The following DIP2C variants were observed in gnomAD, a reference collection of about 807,000 sequenced individuals.
The protein encoded by DIP2C is DIP2 acetate--CoA ligase C (putative).
DIP2C carries 33 observed loss-of-function variants against 192.4 expected under a neutral mutation model. That is an observed-to-expected ratio of 0.17 (90% CI 0.13 to 0.23). The LOEUF is 0.23. DIP2C is among the 10% of genes least tolerant of loss of function. The probability of loss-of-function intolerance (pLI) is 1.00; values close to 1 mark genes in which losing one functional copy is unlikely to be tolerated. For synonymous variants in DIP2C, 979 were observed against 864.1 expected (o/e 1.13, Z -2.33); for missense variants, 1,537 against 2,110.1 (o/e 0.73, Z 5.32).
At chr10:514,418 G>T (rs536727701) in intron 1 of DIP2C, among the ~76,000 whole-genome samples, 2 of 152,298 alleles carry the variant, frequency 1.3e-5, no homozygotes, top group African/African-American at 2.4e-5. Flanking sequence ...TTCGTGCCGG[G>T]AACAGTTCCA....
chr10:531,501 G>A (rs1364021955), intron 1 of DIP2C, among the ~76,000 whole-genome samples: 1 of 151,940 alleles, frequency 6.6e-6, no homozygotes, highest in Non-Finnish European at 1.5e-5. Context: ...GCAAAGAATC[G>A]AGGTATCATA....
intron 1 of DIP2C, among the ~76,000 whole-genome samples, chr10:673,110 A>C (rs890387251): frequency 1.2e-4 from 18 of 151,956 alleles, no homozygotes; most frequent in African/African-American, 3.6e-4. Flanking sequence ...AGGGGCTGCC[A>C]CAGCTCAGCC....
rs117372131 is a variant in DIP2C, at chr10:423,828, T to C, written c.395-795A>G. Among the ~76,000 whole-genome samples, 923 of 152,252 alleles carry C rather than the reference T, an allele frequency of 6.1e-3. 3 individuals carry two copies. The highest frequency in any genetic ancestry group is 0.014 in the East Asian group (70 of 5,182). Reference sequence around the variant, plus strand: ...CCTCACGCGGAGCAGCCCCTCCACCTCCCCGTTTTCCTCCGGGGCACACGA... The same window carrying C: ...CCTCACGCGGAGCAGCCCCTCCACCCCCCCGTTTTCCTCCGGGGCACACGA... On this transcript the variant is annotated intron_variant, in intron 4 of 36. Coordinates refer to ENST00000280886, the MANE Select transcript of DIP2C (RefSeq NM_014974.3).
At chr10:599,350 G>T (rs965012965) in intron 1 of DIP2C, among the ~76,000 whole-genome samples, 29 of 152,276 alleles carry the variant, frequency 1.9e-4, no homozygotes, top group African/African-American at 6.3e-4. Context: ...TATTATCCAT[G>T]AAATATTTAG....
chr10:555,430 A>T (rs1274809089), intron 1 of DIP2C, among the ~76,000 whole-genome samples: 2 of 152,204 alleles, frequency 1.3e-5, no homozygotes, highest in Non-Finnish European at 2.9e-5. Flanking sequence ...CTACTATGAC[A>T]GAGCATCCTC....
intron 1 of DIP2C, among the ~76,000 whole-genome samples, chr10:682,271 C>T (rs1327474029): frequency 1.3e-5 from 2 of 152,214 alleles, no homozygotes; most frequent in Admixed American, 1.3e-4. Flanking sequence ...CTTGCAACAC[C>T]AGTGAACCCC....
chr10:415,854 G>A lies in DIP2C; in HGVS notation c.774C>T (p.Ile258=). ...GTTTGAGGGTATTGACAAGCTGCTG[G>A]ATTTTTGCTGACACCCGGCTACTTA... The part of the protein sequence containing the change: ...VPVSSRVSAK[I]QQLVNTLKRP... The change falls in exon 7 of 37, where the codon ATC becomes ATT. Residue 258 remains isoleucine (I), a synonymous_variant. Coordinates refer to ENST00000280886, the MANE Select transcript of DIP2C (RefSeq NM_014974.3). 1.9e-6 allele frequency: 3 copies of A among 1,613,876 alleles called. No individual in the cohort carries two copies. The highest frequency in any genetic ancestry group is 2.5e-6 in the Non-Finnish European group (3 of 1,179,984).
chr10:655,911 GTATAC>G (rs1484093996), intron 1 of DIP2C, among the ~76,000 whole-genome samples: 9 of 149,340 alleles, frequency 6.0e-5, no homozygotes, highest in South Asian at 4.2e-4. Context: ...TTGTCCTATT[GTATAC>G]TATACTATAT....
chr10:674,170 T>A (rs1194259831), intron 1 of DIP2C, among the ~76,000 whole-genome samples: 2 of 151,968 alleles, frequency 1.3e-5, no homozygotes, highest in African/African-American at 2.4e-5. Context: ...ACTGGCTGAG[T>A]GGATTTAAAA....
intron 29 of DIP2C, among the ~76,000 whole-genome samples, chr10:332,632 T>C (rs561646286): frequency 1.3e-5 from 2 of 152,388 alleles, no homozygotes; most frequent in African/African-American, 2.4e-5. Flanking sequence ...TCTGAGAATG[T>C]TGGGAACCTG....
chr10:499,822 G>A (rs1394361857), intron 1 of DIP2C, among the ~76,000 whole-genome samples: 2 of 152,328 alleles, frequency 1.3e-5, no homozygotes, highest in South Asian at 4.1e-4. Context: ...CATTTTAAAG[G>A]AACTCTGAAA....
At chr10:519,291 G>C (rs529170997) in intron 1 of DIP2C, among the ~76,000 whole-genome samples, 1 of 152,360 alleles carries the variant, frequency 6.6e-6, no homozygotes, top group East Asian at 1.9e-4. Context: ...AGGGGACAGG[G>C]GAGCCCCTGG....
intron 31 of DIP2C, among the ~76,000 whole-genome samples, chr10:321,588 C>T (rs1186811275): frequency 4.2e-5 from 6 of 144,478 alleles, no homozygotes; most frequent in Admixed American, 2.0e-4. Context: ...TGCGGGGCTC[C>T]AGCGAGAGAC....
At position 367,383 on chromosome 10, in the gene DIP2C, C is replaced by A. The variant is rs376530970; in HGVS notation, c.2132-972G>T. 8.1e-4 allele frequency among the ~76,000 whole-genome samples: 122 copies of A among 150,762 alleles called. 1 individual carries two copies. The highest frequency in any genetic ancestry group is 2.6e-3 in the African/African-American group (106 of 40,904). ...GGTGAACCGAGATCGCGCCACTGCA[C>A]TCCAGCCTGGGCGACAGCGAGACTC... On this transcript the variant is annotated intron_variant, in intron 18 of 36. Transcript: ENST00000280886.
intron 1 of DIP2C, among the ~76,000 whole-genome samples, chr10:544,736 G>A (rs1848186591): frequency 1.3e-5 from 2 of 151,958 alleles, no homozygotes; most frequent in African/African-American, 2.4e-5. Flanking sequence ...ATCTTTCTTT[G>A]GAGAATGTCT....
At chr10:578,408 G>C (rs1156662332) in intron 1 of DIP2C, among the ~76,000 whole-genome samples, 5 of 152,164 alleles carry the variant, frequency 3.3e-5, no homozygotes, top group African/African-American at 1.2e-4. Flanking sequence ...TGGAAAGCTA[G>C]ACAGCTGCTA....
chr10:617,545 G>A (rs936707278), intron 1 of DIP2C, among the ~76,000 whole-genome samples: 2 of 152,052 alleles, frequency 1.3e-5, no homozygotes, highest in Non-Finnish European at 2.9e-5. Flanking sequence ...AGCTGTGGAG[G>A]GTGTGTCCTC....
chr10:598,438 C>T (rs1357548881), intron 1 of DIP2C, among the ~76,000 whole-genome samples: 3 of 152,228 alleles, frequency 2.0e-5, no homozygotes, highest in Non-Finnish European at 4.4e-5. Flanking sequence ...CCCACAAAAC[C>T]GACATGCAAT....
chr10:571,449 T>TC (rs1177967719), intron 1 of DIP2C, among the ~76,000 whole-genome samples: 1 of 151,244 alleles, frequency 6.6e-6, no homozygotes, highest in Admixed American at 6.6e-5. Flanking sequence ...CTGCCCTCTC[T>TC]CTTCCTCTCC....
Sources: allele counts gnomAD v4.1 joint callset (sites outside exome capture counted in the v4.1 genomes callset), GRCh38; gene constraint gnomAD v4.1.1; transcripts MANE v1.5; gene names NCBI Gene and HGNC (gene_info 2026-07-23, HGNC 2026-07-21).